The following HERC3 variants were observed in gnomAD, a reference collection of about 807,000 sequenced individuals.
HERC3 encodes HECT and RLD domain containing E3 ubiquitin protein ligase 3.
HERC3 carries 58 observed loss-of-function variants against 129.9 expected under a neutral mutation model. That is an observed-to-expected ratio of 0.45 (90% CI 0.36 to 0.56). The LOEUF (loss-of-function observed/expected upper bound fraction) is 0.56. Ranked by LOEUF, HERC3 falls within the 20% of genes least tolerant of loss-of-function variation. The pLI, the probability that HERC3 is intolerant of heterozygous loss-of-function variation, is 0.00. For synonymous variants in HERC3, 430 were observed against 451.0 expected (o/e 0.95, Z 0.59); for missense variants, 835 against 1,244.2 (o/e 0.67, Z 4.95).
At chr4:88,649,628 A>T (rs1419137755) in intron 3 of HERC3, among the ~76,000 whole-genome samples, 1 of 152,152 alleles carries the variant, frequency 6.6e-6, no homozygotes, top group African/African-American at 2.4e-5. Flanking sequence ...TATAGTATAT[A>T]CTATAGTATA....
chr4:88,631,988 C>G (rs1242151351), intron 3 of HERC3, among the ~76,000 whole-genome samples: 1 of 152,116 alleles, frequency 6.6e-6, no homozygotes, highest in Non-Finnish European at 1.5e-5. Context: ...ACTTGAAGTA[C>G]CACTAAGCTG....
In HERC3 at chr4:88,652,005, G is replaced by C. The variant is rs757824365; in HGVS notation, c.387-7G>C. On this transcript the variant is annotated splice_polypyrimidine_tract_variant and splice_region_variant and intron_variant, in intron 4 of 25. Coordinates refer to ENST00000402738, the MANE Select transcript of HERC3 (RefSeq NM_014606.3). ...CTATCTGAAAAAGAAAGCCTTTTCTGTTTTAGGTTAATACAAAAGCTGAAC... is the reference window on the plus strand; with the variant it reads ...CTATCTGAAAAAGAAAGCCTTTTCTCTTTTAGGTTAATACAAAAGCTGAAC... The C allele has an allele frequency of 1.2e-6, 2 of 1,600,926 alleles. No homozygotes were observed. Among genetic ancestry groups the C allele is most frequent in the Admixed American group, 1.7e-5 (1 of 59,882 alleles).
intron 23 of HERC3, among the ~76,000 whole-genome samples, chr4:88,702,849 A>T (rs907574794): frequency 2.0e-5 from 3 of 152,188 alleles, no homozygotes; most frequent in African/African-American, 7.2e-5. Context: ...TTCACAGTTT[A>T]TATTTCCACT....
chr4:88,537,775 C>A, the HERC3 span, among the ~76,000 whole-genome samples: 6 of 152,274 alleles, frequency 3.9e-5, no homozygotes, highest in South Asian at 1.2e-3. Flanking sequence ...AGTGCTTTAG[C>A]TGCAAAATTA....
chr4:88,584,012 T>C, the HERC3 span: 1 of 152,242 alleles, frequency 6.6e-6, no homozygotes, highest in Non-Finnish European at 1.5e-5. Context: ...TTACCTTTTA[T>C]ATTACTTTGC....
chr4:88,706,366 G>A (rs919428587), intron 25 of HERC3, among the ~76,000 whole-genome samples: 9 of 152,172 alleles, frequency 5.9e-5, no homozygotes, highest in African/African-American at 2.2e-4. Context: ...GTGGAAAGGA[G>A]AGCAAATAGA....
At chr4:88,658,257 C>T in intron 9 of HERC3, 158 bp from the exon 10 acceptor site, 1 of 496,488 alleles carries the variant, frequency 2.0e-6, no homozygotes, top group Non-Finnish European at 3.6e-6. Flanking sequence ...TAGAAACAGT[C>T]CTAGGCAGTG....
At chr4:88,571,417 T>C in the HERC3 span, among the ~76,000 whole-genome samples, 1 of 152,236 alleles carries the variant, frequency 6.6e-6, no homozygotes, top group African/African-American at 2.4e-5. Flanking sequence ...TGAATATCCA[T>C]GGCCCTAAAC....
chr4:88,602,780 A>T (rs1042584843), intron 2 of HERC3, among the ~76,000 whole-genome samples: 4 of 152,134 alleles, frequency 2.6e-5, no homozygotes, highest in African/African-American at 9.7e-5. Flanking sequence ...GTGCCTGGTC[A>T]CTGTTTTCTT....
At chr4:88,532,181 A>G in the HERC3 span, among the ~76,000 whole-genome samples, 1 of 152,178 alleles carries the variant, frequency 6.6e-6, no homozygotes, top group African/African-American at 2.4e-5. Flanking sequence ...CACTATATAG[A>G]TATCTATATA....
chr4:88,630,430 A>G (rs994981547), intron 3 of HERC3, among the ~76,000 whole-genome samples: 1 of 152,212 alleles, frequency 6.6e-6, no homozygotes, highest in Non-Finnish European at 1.5e-5. Flanking sequence ...ATAGTCAACA[A>G]GTGTTTTCTA....
At chr4:88,677,392 C>T (rs1181041105) in intron 18 of HERC3, among the ~76,000 whole-genome samples, 1 of 152,018 alleles carries the variant, frequency 6.6e-6, no homozygotes, top group East Asian at 1.9e-4. Flanking sequence ...GGCTCAAATC[C>T]TCCACTTCCT....
the HERC3 span, among the ~76,000 whole-genome samples, chr4:88,558,071 CAAAAAAAAAAA>C: frequency 7.7e-5 from 3 of 39,156 alleles, no homozygotes; most frequent in South Asian, 3.0e-3. Flanking sequence ...GACTCTGACT[CAAAAAAAAAAA>C]AAAAAAAAAA....
the HERC3 span, among the ~76,000 whole-genome samples, chr4:88,552,349 G>C: frequency 1.3e-5 from 2 of 152,094 alleles, no homozygotes; most frequent in Non-Finnish European, 2.9e-5. Context: ...GGTTTGGACG[G>C]TGAATTTGTT....
intron 3 of HERC3, among the ~76,000 whole-genome samples, chr4:88,628,604 T>A (rs1373778141): frequency 6.6e-6 from 1 of 152,202 alleles, no homozygotes; most frequent in African/African-American, 2.4e-5. Context: ...ATGTTTTGCC[T>A]GCAGTGATAA....
the HERC3 span, among the ~76,000 whole-genome samples, chr4:88,537,970 G>A: frequency 1.6e-4 from 24 of 152,334 alleles, no homozygotes; most frequent in African/African-American, 5.1e-4. Flanking sequence ...CTGACAGGAA[G>A]ATAATGTCCT....
chr4:88,653,020 G>C lies in HERC3; in HGVS notation c.615G>C (p.Leu205=), dbSNP rs1341449695. The change falls in exon 6 of 26, where the codon CTG becomes CTC. Residue 205 remains leucine, a synonymous_variant. Coordinates refer to ENST00000402738, the MANE Select transcript of HERC3 (RefSeq NM_014606.3). ...VAAGGAHSFA[L]SLSGAVFGWG... Reference sequence around the variant, plus strand: ...CCGGAGGGGCTCACAGCTTTGCCCTGTCTCTCTCAGGAGCTGTTTTTGGCT... The same window carrying C: ...CCGGAGGGGCTCACAGCTTTGCCCTCTCTCTCTCAGGAGCTGTTTTTGGCT... 1.9e-6 allele frequency: 3 copies of C among 1,614,218 alleles called. No individual in the cohort carries two copies.
At chr4:88,635,529 G>C (rs1249164335) in intron 3 of HERC3, among the ~76,000 whole-genome samples, 1 of 152,072 alleles carries the variant, frequency 6.6e-6, no homozygotes, top group African/African-American at 2.4e-5. Flanking sequence ...AAGACTGATT[G>C]GAATACCTGA....
chr4:88,662,483 GT>G lies in HERC3; in HGVS notation c.1202del (p.Leu401Ter). ...FRTMNQAHYT[S>X]LINDETIAVW... ...ACTATGAACCAAGCACATTATACCA[GT>G]TTAATAAATGATGAAACCATAGCAG... is the stretch of plus-strand genomic sequence containing the variant. On this transcript the variant is annotated frameshift_variant, in exon 11 of 26. Transcript: ENST00000402738. LOFTEE classifies it high-confidence loss of function. 1.2e-6 allele frequency: 2 copies of G among 1,613,392 alleles called. No individual in the cohort carries two copies. Among genetic ancestry groups the G allele is most frequent in the Non-Finnish European group, 1.7e-6 (2 of 1,179,464 alleles).
Sources: allele counts gnomAD v4.1 joint callset (sites outside exome capture counted in the v4.1 genomes callset), GRCh38; gene constraint gnomAD v4.1.1; transcripts MANE v1.5; gene names NCBI Gene and HGNC (gene_info 2026-07-23, HGNC 2026-07-21).